The following SLC38A12 variants were observed in gnomAD, a reference collection of about 807,000 sequenced individuals.
SLC38A12 encodes putative sodium-coupled neutral amino acid transporter 12.
chr17:74,825,004 T>C, the SLC38A12 span, among the ~76,000 whole-genome samples: 1 of 152,196 alleles, frequency 6.6e-6, no homozygotes, highest in African/African-American at 2.4e-5. Flanking sequence ...CCAGTGGGAC[T>C]GCGCTGATCC....
chr17:74,779,076 A>G, the SLC38A12 span, among the ~76,000 whole-genome samples: 3 of 152,198 alleles, frequency 2.0e-5, no homozygotes, highest in Admixed American at 6.5e-5. Flanking sequence ...TGAAATCTCT[A>G]TGCTGTCTAT....
the SLC38A12 span, among the ~76,000 whole-genome samples, chr17:74,825,580 A>G: frequency 6.6e-6 from 1 of 152,234 alleles, no homozygotes; most frequent in East Asian, 1.9e-4. Context: ...TTGCCCTTGC[A>G]GCCGTACCTC....
chr17:74,788,688 C>G, the SLC38A12 span: 1 of 939,262 alleles, frequency 1.1e-6, no homozygotes, highest in Non-Finnish European at 1.6e-6. Flanking sequence ...AGAGAATGGT[C>G]TGGGCTGGTG....
chr17:74,784,123 C>A, the SLC38A12 span, among the ~76,000 whole-genome samples: 5 of 151,648 alleles, frequency 3.3e-5, no homozygotes, highest in African/African-American at 9.7e-5. Flanking sequence ...ATGTGGCTAT[C>A]TCAGAAAAGC....
At chr17:74,836,185 G>A in the SLC38A12 span, 76 of 1,612,630 alleles carry the variant, frequency 4.7e-5, no homozygotes, top group Middle Eastern at 1.6e-4. This position sits in a 1 kb window ranked among gnomAD's most constrained non-coding sequence, Gnocchi z 4.2. Context: ...TTCTGCTTCC[G>A]CGGCGACAGC....
At chr17:74,820,038 TG>T in the SLC38A12 span, among the ~76,000 whole-genome samples, 2 of 152,198 alleles carry the variant, frequency 1.3e-5, no homozygotes, top group South Asian at 4.1e-4. Flanking sequence ...CTTTTACTGC[TG>T]GGGAAATTTA....
At chr17:74,776,976 A>C in the SLC38A12 span, among the ~76,000 whole-genome samples, 64,541 of 151,794 alleles carry the variant, frequency 0.43, 15,478 homozygotes, top group Non-Finnish European at 0.55. Flanking sequence ...GGTGGGTGAG[A>C]CTTAGTGGTT....
chr17:74,778,501 G>GTGTC, the SLC38A12 span, among the ~76,000 whole-genome samples: 2 of 152,320 alleles, frequency 1.3e-5, no homozygotes, highest in African/African-American at 4.8e-5. Context: ...GGACAAGGAA[G>GTGTC]TGTCTCCAAG....
chr17:74,790,385 G>T, the SLC38A12 span: 1 of 1,157,408 alleles, frequency 8.6e-7, no homozygotes, highest in African/African-American at 1.5e-5. Flanking sequence ...GAGGCTCCCC[G>T]CAGATTCTGG....
the SLC38A12 span, chr17:74,795,452 G>A: frequency 2.0e-5 from 27 of 1,371,926 alleles, no homozygotes; most frequent in Non-Finnish European, 2.5e-5. Context: ...TGTGCAGGGA[G>A]TGGCTTCTGT....
chr17:74,806,640 C>T, the SLC38A12 span, among the ~76,000 whole-genome samples: 745 of 152,204 alleles, frequency 4.9e-3, 5 homozygotes, highest in African/African-American at 0.017. Flanking sequence ...TTCTTCCTGC[C>T]GTGGGGAAGA....
the SLC38A12 span, chr17:74,777,349 GA>G: frequency 1.2e-6 from 2 of 1,614,226 alleles, no homozygotes; most frequent in Non-Finnish European, 1.7e-6. Flanking sequence ...TGAAATTACA[GA>G]GACCGGGGAA....
chr17:74,821,056 G>C, the SLC38A12 span, among the ~76,000 whole-genome samples: 1 of 152,196 alleles, frequency 6.6e-6, no homozygotes, highest in Non-Finnish European at 1.5e-5. Flanking sequence ...TACAGCACAG[G>C]GGACAGGGTG....
At chr17:74,777,998 T>C in the SLC38A12 span, among the ~76,000 whole-genome samples, 5 of 152,246 alleles carry the variant, frequency 3.3e-5, no homozygotes, top group East Asian at 9.6e-4. Flanking sequence ...TTGACAGCTG[T>C]TGACTCTGGG....
the SLC38A12 span, among the ~76,000 whole-genome samples, chr17:74,816,015 G>A: frequency 5.3e-5 from 8 of 152,284 alleles, no homozygotes; most frequent in Admixed American, 1.3e-4. Flanking sequence ...CCACATCTTC[G>A]AGTCACTGAT....
chr17:74,827,895 G>C, the SLC38A12 span, among the ~76,000 whole-genome samples: 1 of 142,258 alleles, frequency 7.0e-6, no homozygotes. This position sits in a 1 kb window ranked among gnomAD's most constrained non-coding sequence, Gnocchi z 4.7. Flanking sequence ...CTGGTATTAC[G>C]CACCCACCCC....
At chr17:74,826,659 C>T in the SLC38A12 span, among the ~76,000 whole-genome samples, 1 of 152,232 alleles carries the variant, frequency 6.6e-6, no homozygotes, top group South Asian at 2.1e-4. Context: ...CTCCTGTAGT[C>T]CCCAAAGGGA....
the SLC38A12 span, among the ~76,000 whole-genome samples, chr17:74,783,596 G>C: frequency 6.6e-6 from 1 of 151,990 alleles, no homozygotes; most frequent in Admixed American, 6.6e-5. Flanking sequence ...CTTTTGTCCT[G>C]CTCTCAAATA....
chr17:74,784,038 TAA>T, the SLC38A12 span, among the ~76,000 whole-genome samples: 1 of 145,998 alleles, frequency 6.8e-6, no homozygotes, highest in Non-Finnish European at 1.5e-5. Context: ...CTTCATGCTT[TAA>T]AAAAAAAAAA....
Sources: gnomAD v4.1 joint callset for allele counts (sites outside exome capture counted in the v4.1 genomes callset) on GRCh38, gnomAD v4.1.1 for gene constraint, Gnocchi (gnomAD v3.1) non-coding constraint, MANE v1.5 for transcripts, NCBI Gene and HGNC (gene_info 2026-07-23, HGNC 2026-07-21) for gene names.